Variants in INTS8 observed in about 807,000 individuals in gnomAD.
INTS8 encodes the protein integrator complex subunit 8.
INTS8 carries 47 observed loss-of-function variants against 138.9 expected under a neutral mutation model. The ratio of observed to expected loss-of-function variants is 0.34; its 90% confidence interval spans 0.27 to 0.43. The LOEUF (loss-of-function observed/expected upper bound fraction) is 0.43. Among genes scored for constraint, INTS8 ranks in the 20% least tolerant of loss-of-function variants. The pLI is 1.00. For synonymous variants in INTS8, 392 were observed against 400.9 expected (o/e 0.98, Z 0.27); for missense variants, 996 against 1,173.0 (o/e 0.85, Z 2.20).
Position 94,836,506 on chromosome 8 carries a change from T to C in INTS8, c.754-18T>C, listed in dbSNP as rs764500058. ...CCTGAGAAATTGTTAAGCAAATTGG[T>C]GTTCATTATTATTTCAGGTGTGCTA... is the stretch of plus-strand genomic sequence containing the variant. On this transcript the variant is annotated intron_variant, in intron 6 of 26. Coordinates refer to ENST00000523731, the MANE Select transcript of INTS8 (RefSeq NM_017864.4). 2 of 1,586,078 alleles carry C rather than the reference T, an allele frequency of 1.3e-6. No individual in the cohort carries two copies. Among genetic ancestry groups the C allele is most frequent in the Middle Eastern group, 1.7e-4 (1 of 5,988 alleles).
At chr8:94,836,719 C>A in intron 7 of INTS8, 88 bp downstream of exon 7, 2 of 763,194 alleles carry the variant, frequency 2.6e-6, no homozygotes, top group East Asian at 2.7e-5. Flanking sequence ...ATGATAAAAA[C>A]GTGTTCATTA....
At chr8:94,850,798 C>T (rs921329301) in intron 12 of INTS8, among the ~76,000 whole-genome samples, 1 of 151,470 alleles carries the variant, frequency 6.6e-6, no homozygotes, top group African/African-American at 2.4e-5. Flanking sequence ...GACTGAACAG[C>T]TTGGCAGTAT....
rs777576978 is a variant in INTS8, at chr8:94,876,136, A to G, written c.2751A>G (p.Gln917=). ...ACAAAACAGCGTTTAAATCTCTGCA[A>G]GAACAAAACAGGTATGAATAATATT... is the stretch of plus-strand genomic sequence containing the variant. ...IDYKTAFKSL[Q]EQNSHDAMDS... The change falls in exon 24 of 27, where the codon CAA becomes CAG. Residue 917 remains glutamine, a synonymous_variant. Transcript: ENST00000523731. The G allele has an allele frequency of 8.1e-6, 13 of 1,610,828 alleles. No homozygotes were observed. The highest frequency in any genetic ancestry group is 1.1e-5 in the Non-Finnish European group (13 of 1,177,356).
chr8:94,865,972 A>G (rs1247990528), intron 17 of INTS8, among the ~76,000 whole-genome samples, 186 bp from the exon 18 acceptor site: 1 of 152,236 alleles, frequency 6.6e-6, no homozygotes, highest in Non-Finnish European at 1.5e-5. Context: ...ATAGTATTGA[A>G]GACTTCACAT....
chr8:94,875,282 A>G (rs1217599377), intron 23 of INTS8, among the ~76,000 whole-genome samples: 1 of 152,212 alleles, frequency 6.6e-6, no homozygotes, highest in Non-Finnish European at 1.5e-5. Flanking sequence ...ATGAAATATT[A>G]TTCAGCCATA....
chr8:94,844,328 C>T (rs1471141363), intron 10 of INTS8, among the ~76,000 whole-genome samples: 1 of 151,322 alleles, frequency 6.6e-6, no homozygotes, highest in Non-Finnish European at 1.5e-5. Context: ...TGTGAGCCAC[C>T]GTGCCTGGCC....
chr8:94,851,577 A>G lies in INTS8; in HGVS notation c.1532A>G (p.Gln511Arg). The change falls in exon 13 of 27, where the codon CAG becomes CGG. Residue 511 changes from glutamine to arginine, a missense_variant. Physicochemically the swap from Gln to Arg is conservative, Grantham distance 43. Coordinates refer to ENST00000523731, the MANE Select transcript of INTS8 (RefSeq NM_017864.4). ...GCTTCAGCAAGTGTCAACATTGGTC[A>G]GTTAGAGCATCAACTTATATTGTCA... ...IPASASVNIG[Q>R]LEHQLILSVD... The G allele has an allele frequency of 6.3e-7, 1 of 1,587,354 alleles. No individual in the cohort carries two copies. The highest frequency in any genetic ancestry group is 1.2e-5 in the South Asian group (1 of 85,724).
chr8:94,843,005 T>C (rs1276601991), intron 10 of INTS8, among the ~76,000 whole-genome samples: 3 of 152,194 alleles, frequency 2.0e-5, no homozygotes, highest in Admixed American at 6.5e-5. Flanking sequence ...TTGCCAGCAC[T>C]CTAGAAGCCT....
chr8:94,851,914 C>T (rs1815560594), intron 13 of INTS8, among the ~76,000 whole-genome samples: 1 of 152,070 alleles, frequency 6.6e-6, no homozygotes, highest in Non-Finnish European at 1.5e-5. Context: ...TGAGTTTTTC[C>T]ATTTGTTGAC....
chr8:94,865,428 C>G (rs1816143605), intron 16 of INTS8, 78 bp from the exon 17 acceptor site: 2 of 1,134,740 alleles, frequency 1.8e-6, no homozygotes, highest in South Asian at 1.5e-5. Context: ...CATCTTTCCT[C>G]CAGTGTGCCT....
intron 16 of INTS8, among the ~76,000 whole-genome samples, chr8:94,864,435 C>T (rs891652160): frequency 3.3e-5 from 5 of 152,184 alleles, no homozygotes; most frequent in African/African-American, 1.2e-4. Flanking sequence ...TGGCCAGATG[C>T]TGTGGCTCAA....
intron 13 of INTS8, 30 bp from the exon 14 acceptor site, chr8:94,853,775 A>G (rs1815640099): frequency 1.6e-6 from 2 of 1,216,810 alleles, no homozygotes; most frequent in Non-Finnish European, 1.2e-6. Context: ...CTATGTGTGC[A>G]TATATATATG....
chr8:94,825,704 A>G (rs557002986), intron 2 of INTS8, among the ~76,000 whole-genome samples: 90 of 152,310 alleles, frequency 5.9e-4, no homozygotes, highest in African/African-American at 2.1e-3. Context: ...ATTTGCTTAA[A>G]TATAAATAAT....
intron 23 of INTS8, among the ~76,000 whole-genome samples, chr8:94,875,360 A>C (rs1816532301): frequency 1.3e-5 from 2 of 152,194 alleles, no homozygotes; most frequent in African/African-American, 2.4e-5. Flanking sequence ...TAAGTGAAAG[A>C]AGCTAGACAC....
intron 23 of INTS8, among the ~76,000 whole-genome samples, chr8:94,875,510 G>C (rs1437262804): frequency 1.3e-5 from 2 of 152,070 alleles, no homozygotes; most frequent in Non-Finnish European, 2.9e-5. Flanking sequence ...TTTTTTGGGG[G>C]AAGTAATGAA....
At chr8:94,861,724 G>A (rs1815992362) in intron 16 of INTS8, among the ~76,000 whole-genome samples, 1 of 147,808 alleles carries the variant, frequency 6.8e-6, no homozygotes, top group Non-Finnish European at 1.5e-5. Context: ...GGCTAATTTT[G>A]TATTTTTAGT....
At chr8:94,877,941 G>A (rs1816622192) in intron 26 of INTS8, among the ~76,000 whole-genome samples, 2 of 152,118 alleles carry the variant, frequency 1.3e-5, no homozygotes, top group Admixed American at 1.3e-4. Context: ...CACACTGAGA[G>A]GTACCGATTC....
rs778749075 is a variant in INTS8 at position 94,827,417 on chromosome 8, T to G, written c.446+14T>G. 4 of 1,613,860 alleles carry G rather than the reference T, an allele frequency of 2.5e-6. No homozygotes were observed. In the South Asian group the frequency reaches 4.4e-5, roughly 18 times the overall value. ...CTATAATAGATGGTAAATGTTTTCA[T>G]AAACTCAGAAGGCGTTGGGCAACCT... On this transcript the variant is annotated intron_variant, in intron 3 of 26. Coordinates refer to ENST00000523731, the MANE Select transcript of INTS8 (RefSeq NM_017864.4).
chr8:94,880,044 G>C, intron 26 of INTS8, 74 bp from the exon 27 acceptor site: 2 of 949,700 alleles, frequency 2.1e-6, no homozygotes, highest in Non-Finnish European at 3.3e-6. Context: ...CACGTAGGTA[G>C]CTTTATATTA....
Sources: allele counts gnomAD v4.1 joint callset (sites outside exome capture counted in the v4.1 genomes callset), GRCh38; gene constraint gnomAD v4.1.1; transcripts MANE v1.5; gene names NCBI Gene and HGNC (gene_info 2026-07-23, HGNC 2026-07-21).